SCAPER: variants seen among roughly 807,000 people sequenced by gnomAD.
SCAPER encodes the protein S phase cyclin A-associated protein in the endoplasmic reticulum.
Under a neutral mutation model 182.2 loss-of-function variants are expected in SCAPER, and 98 were observed. The ratio of observed to expected loss-of-function variants is 0.54; its 90% CI spans 0.46 to 0.64. The LOEUF (loss-of-function observed/expected upper bound fraction) is 0.64, where lower values mean the gene tolerates loss of function less well. SCAPER is among the 30% of genes least tolerant of loss of function. The pLI, the probability that SCAPER is intolerant of heterozygous loss-of-function variation, is 0.00. For synonymous variants in SCAPER, 605 were observed against 564.6 expected (o/e 1.07, Z -1.01); for missense variants, 1,432 against 1,690.0 (o/e 0.85, Z 2.68).
At chr15:76,482,492 C>G (rs1418236992) in intron 24 of SCAPER, among the ~76,000 whole-genome samples, 4 of 152,096 alleles carry the variant, frequency 2.6e-5, no homozygotes, top group African/African-American at 4.8e-5. Context: ...TCCTCTCTCA[C>G]CACTCCTATA....
At chr15:76,852,025 G>C (rs2070811155) in intron 4 of SCAPER, among the ~76,000 whole-genome samples, 1 of 152,072 alleles carries the variant, frequency 6.6e-6, no homozygotes, top group African/African-American at 2.4e-5. Context: ...CAGAAAAAAA[G>C]GAGTGGTTAC....
At chr15:76,672,725 A>C (rs1261325044) in intron 20 of SCAPER, among the ~76,000 whole-genome samples, 3 of 152,116 alleles carry the variant, frequency 2.0e-5, no homozygotes, top group African/African-American at 7.2e-5. Flanking sequence ...AGATAATAGG[A>C]GTTCTTGACA....
chr15:76,693,608 T>C (rs987611735), intron 20 of SCAPER, among the ~76,000 whole-genome samples: 1 of 152,156 alleles, frequency 6.6e-6, no homozygotes, highest in Non-Finnish European at 1.5e-5. Context: ...GATGAATGGC[T>C]ATACAAAATA....
At chr15:76,348,763 GTT>G in intron 31 of SCAPER, 27 bp from the exon 32 acceptor site, 1 of 1,367,966 alleles carries the variant, frequency 7.3e-7, no homozygotes, top group Non-Finnish European at 9.9e-7. Context: ...AGAGAAAAAA[GTT>G]AAATAAAAGA....
At chr15:76,712,593 T>G (rs2059650047) in intron 17 of SCAPER, among the ~76,000 whole-genome samples, 1 of 152,184 alleles carries the variant, frequency 6.6e-6, no homozygotes, top group South Asian at 2.1e-4. Flanking sequence ...TTCCATTTGT[T>G]TGTATCCTCT....
At chr15:76,659,043 T>A (rs1222427027) in intron 21 of SCAPER, among the ~76,000 whole-genome samples, 1 of 151,918 alleles carries the variant, frequency 6.6e-6, no homozygotes, top group Non-Finnish European at 1.5e-5. Context: ...CCAAAAACAA[T>A]TGCAACAACA....
chr15:76,562,216 T>C (rs1264652368), intron 23 of SCAPER, among the ~76,000 whole-genome samples: 1 of 142,802 alleles, frequency 7.0e-6, no homozygotes, highest in Non-Finnish European at 1.5e-5. Context: ...CTCAAGAATA[T>C]AGGAGAATAT....
chr15:76,460,127 G>A lies in SCAPER; in HGVS notation c.3078+11085C>T, dbSNP rs78774753. Among the ~76,000 whole-genome samples the A allele has an allele frequency of 2.6e-3, 392 of 152,062 alleles. 17 individuals are homozygous for A. In the East Asian group the frequency reaches 0.066, roughly 26 times the overall value. ...CTATGAAAAATGAAATTGGTGTTTT[G>A]ATAGGGATTGCACTAAATCTGTAGG... is the stretch of plus-strand genomic sequence containing the variant. On this transcript the variant is annotated intron_variant, in intron 25 of 31. Transcript: ENST00000563290.
chr15:76,569,433 T>C (rs1309310810), intron 23 of SCAPER, among the ~76,000 whole-genome samples: 2 of 152,208 alleles, frequency 1.3e-5, no homozygotes, highest in Non-Finnish European at 2.9e-5. Flanking sequence ...ATGATTCAGT[T>C]TGCTAAAATT....
At chr15:76,746,430 T>G (rs1165701487) in intron 15 of SCAPER, among the ~76,000 whole-genome samples, 1 of 152,238 alleles carries the variant, frequency 6.6e-6, no homozygotes, top group Non-Finnish European at 1.5e-5. Flanking sequence ...TCATACTTGA[T>G]GAAAGATTAA....
At chr15:76,553,302 T>C (rs962929673) in intron 23 of SCAPER, among the ~76,000 whole-genome samples, 1 of 152,186 alleles carries the variant, frequency 6.6e-6, no homozygotes, top group African/African-American at 2.4e-5. Flanking sequence ...CAACTGAGTG[T>C]GTATATGGAC....
At chr15:76,800,189 T>C in intron 7 of SCAPER, 59 bp downstream of exon 7, 6 of 922,620 alleles carry the variant, frequency 6.5e-6, no homozygotes, top group South Asian at 5.7e-5. Flanking sequence ...CATAATACTA[T>C]AATAACTAAG....
intron 25 of SCAPER, among the ~76,000 whole-genome samples, chr15:76,444,768 C>A (rs569972183): frequency 6.6e-6 from 1 of 152,176 alleles, no homozygotes; most frequent in Non-Finnish European, 1.5e-5. Flanking sequence ...CTTGTTATGG[C>A]TCCATCAGTC....
intron 26 of SCAPER, among the ~76,000 whole-genome samples, chr15:76,427,069 A>C (rs1189844978): frequency 6.6e-6 from 1 of 152,234 alleles, no homozygotes; most frequent in Non-Finnish European, 1.5e-5. Flanking sequence ...AAACCAACTC[A>C]AAATAAGTTA....
At chr15:76,689,750 A>T (rs181098277) in intron 20 of SCAPER, among the ~76,000 whole-genome samples, 1 of 152,108 alleles carries the variant, frequency 6.6e-6, no homozygotes, top group African/African-American at 2.4e-5. Context: ...AAAAGGAAGA[A>T]TACCAGAGAA....
intron 2 of SCAPER, among the ~76,000 whole-genome samples, chr15:76,868,136 T>C (rs2072426975): frequency 6.6e-6 from 1 of 150,398 alleles, no homozygotes; most frequent in South Asian, 2.1e-4. Flanking sequence ...TACTAATCTG[T>C]TGGTTCCCCT....
At position 76,652,256 on chromosome 15, in the gene SCAPER, T is replaced by TAAA. The variant is rs1160100739; in HGVS notation, c.2645+13394_2645+13396dup. Among the ~76,000 whole-genome samples the TAAA allele has an allele frequency of 7.1e-3, 40 of 5,632 alleles. 5 individuals are homozygous for TAAA. Among genetic ancestry groups the TAAA allele is most frequent in the Non-Finnish European group, 0.01 (31 of 3,088 alleles). 3.7% of individuals were successfully genotyped at this position (5,632 alleles called of 152,430 possible). ...AACATGGCGAACGCTGTGTCTCTGC[T>TAAA]AAAAAAAAAAAAAAAAAATATATAT... is the stretch of plus-strand genomic sequence containing the variant. On this transcript the variant is annotated intron_variant, in intron 21 of 31. Coordinates refer to ENST00000563290, the MANE Select transcript of SCAPER (RefSeq NM_020843.4).
At chr15:76,584,313 T>A (rs577832663) in intron 22 of SCAPER, among the ~76,000 whole-genome samples, 59 of 152,222 alleles carry the variant, frequency 3.9e-4, no homozygotes, top group Non-Finnish European at 6.8e-4. Flanking sequence ...AGTACAAACA[T>A]ATAGTTAGAT....
At chr15:76,642,554 C>T (rs2054182496) in intron 21 of SCAPER, among the ~76,000 whole-genome samples, 1 of 152,086 alleles carries the variant, frequency 6.6e-6, no homozygotes, top group Non-Finnish European at 1.5e-5. Flanking sequence ...GCTTTTATCA[C>T]TTCATACCTG....
Sources: gnomAD v4.1 joint callset for allele counts (sites outside exome capture counted in the v4.1 genomes callset) on GRCh38, gnomAD v4.1.1 for gene constraint, MANE v1.5 for transcripts, NCBI Gene and HGNC (gene_info 2026-07-23, HGNC 2026-07-21) for gene names.